The following COPG2 variants were observed in gnomAD, a reference collection of about 807,000 sequenced individuals.
COPG2 encodes the protein coatomer subunit gamma-2.
A neutral mutation model predicts 46.3 loss-of-function variants in COPG2; 37 were observed. The observed-to-expected ratio is 0.80, with a 90% CI of 0.61 to 1.05. The LOEUF is 1.05. Ranked by LOEUF, COPG2 falls within the 50% of genes least tolerant of loss-of-function variation. COPG2 has a pLI of 0.00. For missense variants in COPG2, 427 were observed against 387.8 expected, an observed-to-expected ratio of 1.10 and a Z score of -0.85; for synonymous variants, 159 against 129.7, an observed-to-expected ratio of 1.23 and a Z score of -1.53.
intron 9 of COPG2, among the ~76,000 whole-genome samples, chr7:130,584,793 C>T (rs1179015670): frequency 6.6e-6 from 1 of 151,970 alleles, no homozygotes; most frequent in Non-Finnish European, 1.5e-5. Context: ...CAAAACACTG[C>T]TGAAAGAAAT....
At chr7:130,625,862 C>T (rs147792134) in intron 5 of COPG2, among the ~76,000 whole-genome samples, 64 of 151,878 alleles carry the variant, frequency 4.2e-4, no homozygotes, top group Admixed American at 1.7e-3. Context: ...TTTTTTTGAG[C>T]TAAGAATTTA....
At chr7:130,612,272 A>C in intron 7 of COPG2, 34 bp from the exon 8 acceptor site, 21 of 1,290,218 alleles carry the variant, frequency 1.6e-5, no homozygotes, top group Non-Finnish European at 2.0e-5. Context: ...AGAATAAATA[A>C]TGCTTGGTCA....
At chr7:130,582,572 G>A (rs1456575029) in intron 9 of COPG2, among the ~76,000 whole-genome samples, 1 of 151,222 alleles carries the variant, frequency 6.6e-6, no homozygotes, top group Non-Finnish European at 1.5e-5. Context: ...CCTACAAAAT[G>A]GGAGAAAATT....
At chr7:130,662,908 C>T (rs1796006421) in intron 4 of COPG2, 59 bp downstream of exon 4, 3 of 1,016,280 alleles carry the variant, frequency 3.0e-6, no homozygotes, top group African/African-American at 1.6e-5. Context: ...CTCTTAGTTC[C>T]CTGGGGAAAA....
intron 5 of COPG2, among the ~76,000 whole-genome samples, chr7:130,641,766 G>A (rs1366577570): frequency 1.3e-5 from 2 of 151,996 alleles, no homozygotes; most frequent in East Asian, 1.9e-4. Flanking sequence ...AAGTTGTTTC[G>A]GGCTTGTATA....
At chr7:130,651,433 C>G (rs533884043) in intron 5 of COPG2, among the ~76,000 whole-genome samples, 13 of 151,438 alleles carry the variant, frequency 8.6e-5, no homozygotes, top group African/African-American at 2.7e-4. Flanking sequence ...TCTCCCGCCT[C>G]AGCCTCCCAA....
At chr7:130,605,246 T>C (rs782473365) in intron 9 of COPG2, 1 of 520,168 alleles carries the variant, frequency 1.9e-6, no homozygotes, top group Non-Finnish European at 3.8e-6. Context: ...TCTAATCTGC[T>C]GTTAAGTCCA....
At chr7:130,529,196 G>T (rs1379315359) in intron 20 of COPG2, among the ~76,000 whole-genome samples, 1 of 152,160 alleles carries the variant, frequency 6.6e-6, no homozygotes, top group East Asian at 1.9e-4. Flanking sequence ...GGCAATGTTG[G>T]CAGCAGCAAG....
chr7:130,515,371 G>A (rs1799670604), intron 20 of COPG2, among the ~76,000 whole-genome samples: 3 of 152,222 alleles, frequency 2.0e-5, no homozygotes, highest in Non-Finnish European at 1.5e-5. Flanking sequence ...CAGTCAGGTC[G>A]TGTAAGAACT....
At chr7:130,508,845 T>C (rs1799547578) in intron 20 of COPG2, among the ~76,000 whole-genome samples, 186 bp from the exon 21 acceptor site, 1 of 152,178 alleles carries the variant, frequency 6.6e-6, no homozygotes, top group African/African-American at 2.4e-5. Flanking sequence ...AAAGCATGAA[T>C]GTAAAGTCTA....
chr7:130,617,113 C>A, intron 5 of COPG2, 48 bp from the exon 6 acceptor site: 1 of 1,233,296 alleles, frequency 8.1e-7, no homozygotes, highest in South Asian at 1.3e-5. Context: ...AAATCTCTCC[C>A]ATGGAGTTCA....
At chr7:130,658,370 C>G (rs961096443) in intron 4 of COPG2, among the ~76,000 whole-genome samples, 3 of 151,964 alleles carry the variant, frequency 2.0e-5, no homozygotes, top group Admixed American at 6.6e-5. Flanking sequence ...GATAGATTGC[C>G]AGGGGCTGAG....
At chr7:130,665,979 C>T (rs1796071505) in intron 3 of COPG2, among the ~76,000 whole-genome samples, 1 of 152,172 alleles carries the variant, frequency 6.6e-6, no homozygotes, top group Admixed American at 6.5e-5. Flanking sequence ...AGCAGCTACG[C>T]AATAAATATT....
At chr7:130,645,131 G>A (rs1430769437) in intron 5 of COPG2, 5 of 430,428 alleles carry the variant, frequency 1.2e-5, no homozygotes, top group South Asian at 2.2e-5. Flanking sequence ...ACTGGAAAAA[G>A]CAGGAAAATT....
chr7:130,535,489 G>C (rs1368837067), intron 20 of COPG2, among the ~76,000 whole-genome samples: 3 of 151,954 alleles, frequency 2.0e-5, no homozygotes, highest in Non-Finnish European at 4.4e-5. Context: ...AGGGCAGCCT[G>C]CAAGGTTCGG....
intron 5 of COPG2, among the ~76,000 whole-genome samples, chr7:130,634,676 C>T (rs1310297181): frequency 6.6e-6 from 1 of 151,962 alleles, no homozygotes; most frequent in African/African-American, 2.4e-5. Flanking sequence ...GACAATCTGA[C>T]TTCCTCCTAT....
intron 5 of COPG2, among the ~76,000 whole-genome samples, chr7:130,650,436 G>A (rs1350895499): frequency 1.2e-4 from 19 of 152,044 alleles, no homozygotes; most frequent in East Asian, 5.8e-4. Flanking sequence ...TATTGACAGC[G>A]CTAAAAGAAA....
chr7:130,556,744 G>A (rs1456479905), intron 12 of COPG2, among the ~76,000 whole-genome samples: 6 of 151,844 alleles, frequency 4.0e-5, no homozygotes, highest in African/African-American at 1.5e-4. Flanking sequence ...TTAGAAAATT[G>A]ATAAAATAAC....
chr7:130,620,607 C>T (rs1206496850), intron 5 of COPG2, among the ~76,000 whole-genome samples: 3 of 152,238 alleles, frequency 2.0e-5, no homozygotes, highest in South Asian at 2.1e-4. Flanking sequence ...CCTGTCCCAC[C>T]ACAGTATTTT....
Sources: allele counts gnomAD v4.1 joint callset (sites outside exome capture counted in the v4.1 genomes callset), GRCh38; gene constraint gnomAD v4.1.1; transcripts MANE v1.5; gene names NCBI Gene and HGNC (gene_info 2026-07-23, HGNC 2026-07-21).